Variants in BLTP1 observed in about 807,000 individuals in gnomAD.
BLTP1 encodes bridge-like lipid transfer protein family member 1, also known as fragile site-associated protein.
chr4:122,152,464 G>A, the BLTP1 span: 1,886 of 985,706 alleles, frequency 1.9e-3, 3 homozygotes, highest in Non-Finnish European at 2.2e-3. Context: ...CACCGGCAGA[G>A]CTTCGCAGGC....
At chr4:122,198,562 T>G in the BLTP1 span, 2 of 456,282 alleles carry the variant, frequency 4.4e-6, no homozygotes, top group African/African-American at 2.1e-5. Context: ...AGTAAAGGAG[T>G]CACCTGAGGA....
the BLTP1 span, among the ~76,000 whole-genome samples, chr4:122,360,715 A>G: frequency 3.9e-5 from 6 of 152,232 alleles, no homozygotes; most frequent in Non-Finnish European, 8.8e-5. Flanking sequence ...TTTGGTACTA[A>G]TAGTGCATAT....
At chr4:122,210,011 G>T in the BLTP1 span, 2 of 1,496,612 alleles carry the variant, frequency 1.3e-6, no homozygotes, top group Non-Finnish European at 1.8e-6. Flanking sequence ...AAATTGAAAT[G>T]CATCTATTCT....
the BLTP1 span, among the ~76,000 whole-genome samples, chr4:122,282,344 C>G: frequency 6.6e-6 from 1 of 152,120 alleles, no homozygotes; most frequent in Non-Finnish European, 1.5e-5. Context: ...ATTACCAATA[C>G]TTTGAAGCCT....
the BLTP1 span, among the ~76,000 whole-genome samples, chr4:122,278,258 T>G: frequency 1.3e-5 from 2 of 152,230 alleles, no homozygotes; most frequent in African/African-American, 2.4e-5. Flanking sequence ...CATTTATTCC[T>G]TCGCTAATGA....
chr4:122,264,394 A>G, the BLTP1 span: 1 of 1,610,776 alleles, frequency 6.2e-7, no homozygotes, highest in Non-Finnish European at 8.5e-7. Context: ...AAGCAAACCA[A>G]GGGTTTCCTG....
chr4:122,347,747 G>C, the BLTP1 span: 2 of 1,613,676 alleles, frequency 1.2e-6, no homozygotes, highest in South Asian at 1.1e-5. Context: ...ATAAGATCAA[G>C]GAGTGTATCT....
At chr4:122,276,630 C>G in the BLTP1 span, 2 of 977,890 alleles carry the variant, frequency 2.0e-6, no homozygotes, top group Non-Finnish European at 2.4e-6. Context: ...TGGTGTTAAA[C>G]AATGGTTTTA....
chr4:122,234,930 A>G, the BLTP1 span: 1 of 1,613,528 alleles, frequency 6.2e-7, no homozygotes. Context: ...TGCATTTTCA[A>G]GCACAAGTGC....
the BLTP1 span, chr4:122,204,750 C>A: frequency 1.9e-6 from 1 of 527,146 alleles, no homozygotes; most frequent in Non-Finnish European, 2.4e-6. Flanking sequence ...TTGGGCATTT[C>A]CCAAGTGTTA....
the BLTP1 span, among the ~76,000 whole-genome samples, chr4:122,165,594 A>G: frequency 0.58 from 73,678 of 126,246 alleles, 28,888 homozygotes; most frequent in East Asian, 0.88. Flanking sequence ...ACCCAGTAAT[A>G]GGATGGCTGG....
chr4:122,164,504 CTG>C, the BLTP1 span: 3 of 770,842 alleles, frequency 3.9e-6, no homozygotes, highest in African/African-American at 1.9e-5. Context: ...AGAAGTGAGA[CTG>C]TGTTCTATTA....
the BLTP1 span, among the ~76,000 whole-genome samples, chr4:122,240,576 T>C: frequency 6.6e-6 from 1 of 152,220 alleles, no homozygotes; most frequent in Non-Finnish European, 1.5e-5. Context: ...ACTGCATTAA[T>C]CTAATCAACA....
chr4:122,263,377 T>C, the BLTP1 span: 3 of 1,460,804 alleles, frequency 2.1e-6, no homozygotes, highest in Non-Finnish European at 2.7e-6. Context: ...TATAGGTATA[T>C]AAATTACATT....
At chr4:122,283,295 T>C in the BLTP1 span, among the ~76,000 whole-genome samples, 1 of 151,980 alleles carries the variant, frequency 6.6e-6, no homozygotes. Flanking sequence ...ATATAACCAA[T>C]GATCTCAGCA....
At chr4:122,344,817 T>A in the BLTP1 span, 3 of 985,100 alleles carry the variant, frequency 3.0e-6, no homozygotes, top group African/African-American at 1.7e-5. Context: ...GTTGCTTCTT[T>A]TCTTCACTTT....
chr4:122,358,859 A>C, the BLTP1 span, among the ~76,000 whole-genome samples: 1 of 152,124 alleles, frequency 6.6e-6, no homozygotes, highest in African/African-American at 2.4e-5. Context: ...CTTTTGCACC[A>C]CCCTAATACC....
At chr4:122,301,898 C>CA in the BLTP1 span, among the ~76,000 whole-genome samples, 1 of 151,892 alleles carries the variant, frequency 6.6e-6, no homozygotes, top group African/African-American at 2.4e-5. Context: ...TTTGTCTCTA[C>CA]AAAAAATTTG....
the BLTP1 span, among the ~76,000 whole-genome samples, chr4:122,266,436 AAC>A: frequency 5.2e-3 from 789 of 152,296 alleles, 11 homozygotes; most frequent in African/African-American, 0.017. Context: ...TGTAAATGGA[AAC>A]ACAATAGGAA....
Sources: gnomAD v4.1 joint callset for allele counts (sites outside exome capture counted in the v4.1 genomes callset) on GRCh38, gnomAD v4.1.1 for gene constraint, MANE v1.5 for transcripts, NCBI Gene and HGNC (gene_info 2026-07-23, HGNC 2026-07-21) for gene names.